Variants in PCYT1A observed in about 807,000 individuals in gnomAD.
PCYT1A encodes the protein choline-phosphate cytidylyltransferase A.
A neutral mutation model predicts 43.7 loss-of-function variants in PCYT1A; 25 were observed. The observed-to-expected ratio is 0.57, with a 90% CI of 0.42 to 0.80. The LOEUF (loss-of-function observed/expected upper bound fraction) is 0.80, where lower values mean the gene tolerates loss of function less well. Among genes scored for constraint, PCYT1A ranks in the 30% least tolerant of loss-of-function variants. PCYT1A has a pLI of 0.00. For synonymous variants in PCYT1A, 172 were observed against 170.7 expected, an observed-to-expected ratio of 1.01 and a Z score of -0.06; for missense variants, 421 against 474.2, an observed-to-expected ratio of 0.89 and a Z score of 1.04.
intron 8 of PCYT1A, among the ~76,000 whole-genome samples, chr3:196,239,193 G>A (rs1176775251): frequency 6.6e-6 from 1 of 152,096 alleles, no homozygotes; most frequent in Admixed American, 6.6e-5. Flanking sequence ...CCTTACCTGG[G>A]GTTCCTGCTG....
chr3:196,262,773 C>T (rs145453227), intron 2 of PCYT1A, among the ~76,000 whole-genome samples: 3,065 of 146,368 alleles, frequency 0.021, 81 homozygotes, highest in Middle Eastern at 0.07. Context: ...ACACTTTTTA[C>T]TTTCTAAGGA....
chr3:196,262,963 T>G (rs1259042692), intron 2 of PCYT1A, among the ~76,000 whole-genome samples: 1 of 151,982 alleles, frequency 6.6e-6, no homozygotes, highest in East Asian at 1.9e-4. Flanking sequence ...CCTGCTTAAT[T>G]TTTTTAGTTT....
intron 1 of PCYT1A, among the ~76,000 whole-genome samples, chr3:196,278,314 A>G (rs1012717243): frequency 9.2e-5 from 14 of 152,242 alleles, no homozygotes; most frequent in African/African-American, 3.4e-4. Flanking sequence ...GTTTATGATA[A>G]GTGCGCCTCT....
chr3:196,276,861 A>G (rs571195649), intron 1 of PCYT1A, among the ~76,000 whole-genome samples: 15 of 152,124 alleles, frequency 9.9e-5, no homozygotes, highest in Admixed American at 4.6e-4. Flanking sequence ...ACTTGAGAAC[A>G]GCAAGTCAAG....
At chr3:196,254,049 C>T (rs1207410918) in intron 3 of PCYT1A, among the ~76,000 whole-genome samples, 8 of 147,358 alleles carry the variant, frequency 5.4e-5, no homozygotes, top group South Asian at 2.1e-4. Context: ...TTTTTTGAGA[C>T]GGAGTCTCAC....
chr3:196,247,605 G>T lies in PCYT1A; in HGVS notation c.335-87C>A. The T allele has an allele frequency of 8.0e-7, 1 of 1,253,434 alleles. No individual in the cohort carries two copies. 77.6% of individuals were successfully genotyped at this position (1,253,434 alleles called of 1,614,324 possible). ...CCGACCTCTCCCATCTTCTCCCACT[G>T]CTTAGGACTGCAACCATCTTCCCCA... On this transcript the variant is annotated intron_variant, in intron 4 of 8. Coordinates refer to ENST00000431016, the MANE Select transcript of PCYT1A (RefSeq NM_001312673.2). This position sits in a 1 kb window ranked among gnomAD's most constrained non-coding sequence, Gnocchi z 4.8.
chr3:196,279,194 A>C (rs1462751296), intron 1 of PCYT1A, among the ~76,000 whole-genome samples: 15 of 151,134 alleles, frequency 9.9e-5, no homozygotes, highest in Non-Finnish European at 7.4e-5. Flanking sequence ...AGACTGAGGC[A>C]GGAGAATCAT....
intron 2 of PCYT1A, among the ~76,000 whole-genome samples, chr3:196,261,996 TAG>T (rs1725123481): frequency 6.6e-6 from 1 of 152,168 alleles, no homozygotes. Flanking sequence ...TCTTTTTTTC[TAG>T]AGTTGTTTCC....
In PCYT1A at chr3:196,268,618, C is replaced by CTAAAAA. The variant is rs557263703; in HGVS notation, c.117+1791_117+1796dup. 1.1e-4 allele frequency among the ~76,000 whole-genome samples: 16 copies of CTAAAAA among 151,838 alleles called. No homozygotes were observed. The highest frequency in any genetic ancestry group is 2.1e-4 in the South Asian group (1 of 4,810). The stretch of plus-strand genomic sequence containing the variant: ...TGGGCAACATAGCAAGACCCTTACT[C>CTAAAAA]TAAAAATAAAAATAAAAATAAAAAT... On this transcript the variant is annotated intron_variant, in intron 2 of 8. Transcript: ENST00000431016. This position sits in a 1 kb window ranked among gnomAD's most constrained non-coding sequence, Gnocchi z 4.4.
At chr3:196,243,859 G>A (rs903921396) in intron 5 of PCYT1A, among the ~76,000 whole-genome samples, 43 of 152,336 alleles carry the variant, frequency 2.8e-4, no homozygotes, top group Middle Eastern at 3.4e-3. Flanking sequence ...AGGCTGGAGT[G>A]CAGTGGCGTG....
At position 196,278,239 on chromosome 3, in the gene PCYT1A, G is replaced by A. The variant is rs78284033; in HGVS notation, c.-10-7698C>T. ...AAAGCCACACCACCATTACAACATCGATAACTGCCCAGTAACCATTTGGAA... is the reference window on the plus strand; with the variant it reads ...AAAGCCACACCACCATTACAACATCAATAACTGCCCAGTAACCATTTGGAA... On this transcript the variant is annotated intron_variant, in intron 1 of 8. Coordinates refer to ENST00000431016, the MANE Select transcript of PCYT1A (RefSeq NM_001312673.2). Among the ~76,000 whole-genome samples the A allele has an allele frequency of 5.7e-3, 867 of 152,198 alleles. 5 individuals are homozygous for A. The highest frequency in any genetic ancestry group is 0.02 in the African/African-American group (818 of 41,518).
chr3:196,278,671 C>G (rs915852150), intron 1 of PCYT1A, among the ~76,000 whole-genome samples: 10 of 152,118 alleles, frequency 6.6e-5, no homozygotes, highest in African/African-American at 2.4e-4. Context: ...TCCTCCAGAA[C>G]ACTTTCTTTG....
intron 1 of PCYT1A, among the ~76,000 whole-genome samples, chr3:196,283,992 C>T (rs532036719): frequency 1.3e-5 from 2 of 152,214 alleles, no homozygotes; most frequent in South Asian, 4.1e-4. Flanking sequence ...GAAACAAATC[C>T]AAGAAAAAAA....
chr3:196,286,592 T>C (rs1725920203), intron 1 of PCYT1A, among the ~76,000 whole-genome samples: 1 of 152,166 alleles, frequency 6.6e-6, no homozygotes, highest in Non-Finnish European at 1.5e-5. Context: ...CACTGAAAGT[T>C]TCTATTCTAT....
At chr3:196,243,998 G>T (rs1315154231) in intron 5 of PCYT1A, among the ~76,000 whole-genome samples, 1 of 151,340 alleles carries the variant, frequency 6.6e-6, no homozygotes, top group Non-Finnish European at 1.5e-5. Flanking sequence ...GCCGCCCATC[G>T]TCTGGGATGT....
In PCYT1A at chr3:196,247,557, T is replaced by C. The variant is rs370540927; in HGVS notation, c.335-39A>G. The C allele has an allele frequency of 2.5e-6, 4 of 1,603,630 alleles. No individual in the cohort carries two copies. The highest frequency in any genetic ancestry group is 4.5e-5 in the East Asian group (2 of 44,824). On this transcript the variant is annotated intron_variant, in intron 4 of 8. Coordinates refer to ENST00000431016, the MANE Select transcript of PCYT1A (RefSeq NM_001312673.2). The surrounding 1 kb of genome is among the most constrained non-coding windows in gnomAD (Gnocchi z 4.8). Reference sequence around the variant, plus strand: ...TCATAAATTGTGTGTTGGAGTCCTCTTTGCTTAGCACCTCCTCAGCCACCG... The same window carrying C: ...TCATAAATTGTGTGTTGGAGTCCTCCTTGCTTAGCACCTCCTCAGCCACCG...
intron 8 of PCYT1A, 97 bp downstream of exon 8, chr3:196,239,450 A>G (rs557586694): frequency 1.1e-5 from 8 of 739,324 alleles, no homozygotes; most frequent in Non-Finnish European, 1.8e-5. Context: ...GATAGACTAG[A>G]TAACTTCTCA....
At chr3:196,250,503 C>A (rs547615840) in intron 3 of PCYT1A, 1 of 148,580 alleles carries the variant, frequency 6.7e-6, no homozygotes, top group African/African-American at 2.6e-5. Flanking sequence ...ACCAGATACA[C>A]TATGCTGAGG....
Position 196,275,965 on chromosome 3 carries a change from C to T in PCYT1A, c.-10-5424G>A, listed in dbSNP as rs571119166. Among the ~76,000 whole-genome samples, 200 of 151,638 alleles carry T rather than the reference C, an allele frequency of 1.3e-3. 1 individual carries two copies. Among genetic ancestry groups the T allele is most frequent in the African/African-American group, 4.7e-3 (193 of 41,378 alleles). On this transcript the variant is annotated intron_variant, in intron 1 of 8. Transcript: ENST00000431016. ...ACAAAAAATTAGCCAGGCGTGGTGGCGGGCACCTGTAGTCCCAGCTGCTGG... is the reference window on the plus strand; with the variant it reads ...ACAAAAAATTAGCCAGGCGTGGTGGTGGGCACCTGTAGTCCCAGCTGCTGG...
Sources: allele counts gnomAD v4.1 joint callset (sites outside exome capture counted in the v4.1 genomes callset), GRCh38; gene constraint gnomAD v4.1.1; non-coding constraint Gnocchi (gnomAD v3.1); transcripts MANE v1.5; gene names NCBI Gene and HGNC (gene_info 2026-07-23, HGNC 2026-07-21).